COL25A1: variants seen among roughly 807,000 people sequenced by gnomAD.
COL25A1 encodes the protein collagen type XXV alpha 1 chain, also known as collagen alpha-1(XXV) chain.
A neutral mutation model predicts 128.4 loss-of-function variants in COL25A1; 103 were observed. That is an observed-to-expected ratio of 0.80 (90% confidence interval 0.68 to 0.94). COL25A1 has a LOEUF of 0.94. COL25A1 is among the 40% of genes least tolerant of loss of function. The pLI, the probability that COL25A1 is intolerant of heterozygous loss-of-function variation, is 0.00. For missense variants in COL25A1, 745 were observed against 840.0 expected (o/e 0.89, Z 1.40); for synonymous variants, 279 against 277.2 (o/e 1.01, Z -0.06).
chr4:108,824,063 G>T, intron 35 of COL25A1, 111 bp downstream of exon 35: 1 of 1,612,616 alleles, frequency 6.2e-7, no homozygotes, highest in Non-Finnish European at 8.5e-7. Flanking sequence ...TATGTTTTTG[G>T]AGCACAGGAT....
At chr4:108,898,274 G>A (rs923409541) in intron 15 of COL25A1, among the ~76,000 whole-genome samples, 11 of 151,866 alleles carry the variant, frequency 7.2e-5, no homozygotes, top group Non-Finnish European at 1.2e-4. Flanking sequence ...TTAAATAAAT[G>A]GTTTTTTTTC....
chr4:108,976,244 T>G (rs1752431835), intron 6 of COL25A1, among the ~76,000 whole-genome samples: 1 of 152,200 alleles, frequency 6.6e-6, no homozygotes, highest in Non-Finnish European at 1.5e-5. Context: ...GAAATCTGAA[T>G]TTATTAAGAA....
chr4:109,299,254 G>C (rs879796680), intron 3 of COL25A1, among the ~76,000 whole-genome samples: 3 of 152,162 alleles, frequency 2.0e-5, no homozygotes, highest in Non-Finnish European at 4.4e-5. Flanking sequence ...AGGCTGATGA[G>C]GTGGTTGAGT....
intron 3 of COL25A1, among the ~76,000 whole-genome samples, chr4:109,091,626 T>C (rs1295030896): frequency 8.5e-5 from 13 of 152,098 alleles, no homozygotes. Context: ...TATCACTTCC[T>C]GAGAGTTCTT....
At chr4:108,906,284 C>T (rs1743517653) in intron 13 of COL25A1, among the ~76,000 whole-genome samples, 1 of 152,126 alleles carries the variant, frequency 6.6e-6, no homozygotes, top group Admixed American at 6.5e-5. Context: ...GCCACCTGCC[C>T]AGGGCCTTTG....
At chr4:109,237,906 C>A (rs1349127354) in intron 3 of COL25A1, among the ~76,000 whole-genome samples, 1 of 152,054 alleles carries the variant, frequency 6.6e-6, no homozygotes, top group African/African-American at 2.4e-5. Context: ...GTAAGTAAAA[C>A]AATATATTTT....
chr4:109,297,986 C>A (rs945493413), intron 3 of COL25A1, among the ~76,000 whole-genome samples: 44 of 142,488 alleles, frequency 3.1e-4, no homozygotes, highest in African/African-American at 1.1e-3. Flanking sequence ...CCGGAATTAT[C>A]CAGGTCCAAA....
chr4:108,950,385 A>C (rs999104414), intron 8 of COL25A1, among the ~76,000 whole-genome samples: 2 of 152,118 alleles, frequency 1.3e-5, no homozygotes, highest in Non-Finnish European at 2.9e-5. Context: ...AGCCTTGCAA[A>C]GGACTCCCCT....
At chr4:108,853,061 G>A in intron 24 of COL25A1, 136 bp from the exon 25 acceptor site, 1 of 680,016 alleles carries the variant, frequency 1.5e-6, no homozygotes, top group Non-Finnish European at 2.5e-6. Context: ...ACAAGATACT[G>A]AGAACATATT....
At chr4:108,974,488 A>G in intron 7 of COL25A1, 45 bp downstream of exon 7, 1 of 1,609,066 alleles carries the variant, frequency 6.2e-7, no homozygotes, top group Non-Finnish European at 8.5e-7. Flanking sequence ...AGGTCACGCC[A>G]ATATGGATCT....
intron 3 of COL25A1, among the ~76,000 whole-genome samples, chr4:109,057,388 C>T (rs904765803): frequency 1.4e-5 from 2 of 147,298 alleles, no homozygotes; most frequent in African/African-American, 5.0e-5. Context: ...CTACCTTAGC[C>T]TCACGAGTAG....
chr4:109,107,806 C>T (rs1766588442), intron 3 of COL25A1, among the ~76,000 whole-genome samples: 1 of 152,188 alleles, frequency 6.6e-6, no homozygotes, highest in Non-Finnish European at 1.5e-5. Context: ...ACAAAAAATA[C>T]TGAAAAATAA....
At chr4:109,259,155 T>TAA (rs979139129) in intron 3 of COL25A1, among the ~76,000 whole-genome samples, 10 of 152,150 alleles carry the variant, frequency 6.6e-5, no homozygotes, top group Admixed American at 1.3e-4. Flanking sequence ...GCACCTTACA[T>TAA]AAAGGAGGCC....
intron 3 of COL25A1, among the ~76,000 whole-genome samples, chr4:109,123,691 T>C (rs1222210717): frequency 6.6e-6 from 1 of 152,144 alleles, no homozygotes; most frequent in Non-Finnish European, 1.5e-5. Context: ...ATGCTGGAAT[T>C]GAAAAATGAA....
intron 3 of COL25A1, among the ~76,000 whole-genome samples, chr4:109,269,544 T>C (rs554591990): frequency 0.021 from 3,172 of 149,332 alleles, 121 homozygotes; most frequent in African/African-American, 0.071. Flanking sequence ...TTTACAGTCC[T>C]ACCAACAGTG....
At chr4:109,042,444 C>A (rs557371417) in intron 5 of COL25A1, among the ~76,000 whole-genome samples, 1 of 152,126 alleles carries the variant, frequency 6.6e-6, no homozygotes, top group South Asian at 2.1e-4. Context: ...AACTCTACCC[C>A]CAAACAGCCT....
intron 3 of COL25A1, among the ~76,000 whole-genome samples, chr4:109,268,910 T>A (rs1359743153): frequency 6.6e-6 from 1 of 151,844 alleles, no homozygotes; most frequent in Non-Finnish European, 1.5e-5. Context: ...CTTCCACCCA[T>A]CCCTATAAAG....
intron 3 of COL25A1, among the ~76,000 whole-genome samples, chr4:109,276,055 T>C (rs1389797436): frequency 6.6e-6 from 1 of 152,220 alleles, no homozygotes; most frequent in Non-Finnish European, 1.5e-5. Context: ...GTCATAGAAC[T>C]GATAACATTT....
At chr4:108,838,075 A>G (rs1169141096) in intron 31 of COL25A1, 1 of 1,511,858 alleles carries the variant, frequency 6.6e-7, no homozygotes, top group Admixed American at 2.0e-5. Context: ...TTTGCACTAA[A>G]ATGGAAAGTT....
Sources: gnomAD v4.1 joint callset for allele counts (sites outside exome capture counted in the v4.1 genomes callset) on GRCh38, gnomAD v4.1.1 for gene constraint, MANE v1.5 for transcripts, NCBI Gene and HGNC (gene_info 2026-07-23, HGNC 2026-07-21) for gene names.